PDE8B: variants seen among roughly 807,000 people sequenced by gnomAD.
The protein encoded by PDE8B is high affinity cAMP-specific and IBMX-insensitive 3',5'-cyclic phosphodiesterase 8B.
Under a neutral mutation model 101.3 loss-of-function variants are expected in PDE8B, and 26 were observed. The observed-to-expected ratio is 0.26, with a 90% CI of 0.19 to 0.36. The LOEUF (loss-of-function observed/expected upper bound fraction) is 0.36, where lower values mean the gene tolerates loss of function less well. Ranked by LOEUF, PDE8B falls within the 10% of genes least tolerant of loss-of-function variation. PDE8B has a pLI of 1.00. For missense variants in PDE8B, 810 were observed against 1,163.1 expected (o/e 0.70, Z 4.42); for synonymous variants, 424 against 429.3 (o/e 0.99, Z 0.15).
At chr5:77,426,121 G>A (rs964915933) in intron 21 of PDE8B, 34 of 611,720 alleles carry the variant, frequency 5.6e-5, no homozygotes, top group African/African-American at 9.2e-5. Flanking sequence ...CTGGATAAAC[G>A]AGTCTCTGCC....
At chr5:77,217,415 G>A (rs891806625) in intron 1 of PDE8B, among the ~76,000 whole-genome samples, 1 of 151,796 alleles carries the variant, frequency 6.6e-6, no homozygotes, top group Admixed American at 6.6e-5. Flanking sequence ...TTTCAATAAA[G>A]AATGTGTACA....
At chr5:77,353,662 G>A (rs554702917) in intron 10 of PDE8B, among the ~76,000 whole-genome samples, 1 of 151,840 alleles carries the variant, frequency 6.6e-6, no homozygotes, top group South Asian at 2.1e-4. Context: ...AATATATGAA[G>A]GCATAAAATT....
intron 1 of PDE8B, among the ~76,000 whole-genome samples, chr5:77,269,223 G>A (rs901647900): frequency 2.6e-5 from 4 of 152,118 alleles, no homozygotes; most frequent in African/African-American, 4.8e-5. Context: ...TTTCTCTGGT[G>A]ATCAATGATG....
At chr5:77,127,339 A>T in the PDE8B span, among the ~76,000 whole-genome samples, 1 of 152,058 alleles carries the variant, frequency 6.6e-6, no homozygotes, top group Non-Finnish European at 1.5e-5. Context: ...TGATGATTTT[A>T]TAAGCATCCA....
rs574376435 is a variant in PDE8B, at chr5:77,324,579, A to G, written c.400-960A>G. Among the ~76,000 whole-genome samples, 25 of 152,308 alleles carry G rather than the reference A, an allele frequency of 1.6e-4. No individual in the cohort carries two copies. In the South Asian group the frequency reaches 1.7e-3, roughly 10 times the overall value. ...TTTCTGTGGGTGGAATTGCTTCTCA[A>G]TGAGGCAGTTCATCAATAGAAGCAC... On this transcript the variant is annotated intron_variant, in intron 2 of 21. Transcript: ENST00000264917.
chr5:77,172,737 C>T, the PDE8B span, among the ~76,000 whole-genome samples: 2 of 152,144 alleles, frequency 1.3e-5, no homozygotes, highest in African/African-American at 4.8e-5. Context: ...TAGGAAATAC[C>T]AGTACCAGTG....
chr5:77,204,864 G>A, the PDE8B span, among the ~76,000 whole-genome samples: 5 of 152,204 alleles, frequency 3.3e-5, no homozygotes, highest in Non-Finnish European at 5.9e-5. Flanking sequence ...TCATGTGTAA[G>A]TCCTGTCTGC....
At chr5:77,270,684 C>T (rs574095017) in intron 1 of PDE8B, among the ~76,000 whole-genome samples, 308 of 152,332 alleles carry the variant, frequency 2.0e-3, no homozygotes, top group Non-Finnish European at 3.5e-3. Flanking sequence ...TTTTTCCGGG[C>T]TCTTGTTATT....
chr5:77,391,391 A>G (rs1056105647), intron 10 of PDE8B, among the ~76,000 whole-genome samples: 8 of 152,200 alleles, frequency 5.3e-5, no homozygotes, highest in Non-Finnish European at 1.0e-4. Flanking sequence ...GCAGCCAGGA[A>G]GAGTCTCTGC....
intron 10 of PDE8B, among the ~76,000 whole-genome samples, chr5:77,385,815 T>TTTG (rs61293389): frequency 6.7e-6 from 1 of 149,574 alleles, no homozygotes; most frequent in African/African-American, 2.5e-5. Context: ...TTTTTTTTTT[T>TTTG]GAGATGGAAT....
chr5:77,295,025 A>G (rs116228395), intron 1 of PDE8B, among the ~76,000 whole-genome samples: 2,717 of 152,112 alleles, frequency 0.018, 87 homozygotes, highest in African/African-American at 0.062. Flanking sequence ...TGCATATTCT[A>G]GTAACATAAT....
At chr5:77,378,039 CACACACA>C (rs1561612605) in intron 10 of PDE8B, among the ~76,000 whole-genome samples, 6 of 137,742 alleles carry the variant, frequency 4.4e-5, no homozygotes, top group Non-Finnish European at 9.8e-5. Context: ...CACACACACA[CACACACA>C]CACCCCCTGT....
the PDE8B span, among the ~76,000 whole-genome samples, chr5:77,191,798 A>G: frequency 7.2e-5 from 11 of 152,192 alleles, no homozygotes; most frequent in Admixed American, 1.3e-4. Context: ...CTTTATTTCT[A>G]TTATAATTAC....
chr5:77,210,979 G>A lies in PDE8B; in HGVS notation c.54G>A (p.Arg18=), dbSNP rs1263519584. The change falls in exon 1 of 22, where the codon CGG becomes CGA. Residue 18 remains arginine (R), a synonymous_variant. Coordinates refer to ENST00000264917, the MANE Select transcript of PDE8B (RefSeq NM_003719.5). This position sits in a 1 kb window ranked among gnomAD's most constrained non-coding sequence, Gnocchi z 4.9. The part of the protein sequence containing the change: ...HVSQSGVIYC[R]DSDESSSPRQ... The stretch of plus-strand genomic sequence containing the variant: ...CGCAGAGCGGCGTGATCTACTGCCG[G>A]GACTCGGACGAGTCCAGCTCGCCCC... 6.5e-7 allele frequency: 1 copy of A among 1,539,804 alleles called. No homozygotes were observed. Among genetic ancestry groups the A allele is most frequent in the South Asian group, 1.2e-5 (1 of 84,880 alleles).
At chr5:77,336,976 G>A (rs1368546739) in intron 5 of PDE8B, among the ~76,000 whole-genome samples, 1 of 152,190 alleles carries the variant, frequency 6.6e-6, no homozygotes, top group Non-Finnish European at 1.5e-5. Flanking sequence ...GTGCTCTAGA[G>A]CATTCATAAT....
At position 77,408,994 on chromosome 5, in the gene PDE8B, C is replaced by T; in HGVS notation, c.1467C>T (p.Ser489=). The part of the protein sequence containing the change: ...LEILRTTELY[S]PQLGTKDEDP... Reference sequence around the variant, plus strand: ...TTTTACGGACCACAGAACTGTACTCCCCTCAGCTGGGTACCAAAGATGAAG... The same window carrying T: ...TTTTACGGACCACAGAACTGTACTCTCCTCAGCTGGGTACCAAAGATGAAG... The change falls in exon 14 of 22, where the codon TCC becomes TCT. Residue 489 remains serine (S), a synonymous_variant. Transcript: ENST00000264917. The T allele has an allele frequency of 2.5e-6, 4 of 1,613,340 alleles. No homozygotes were observed. Among genetic ancestry groups the T allele is most frequent in the Non-Finnish European group, 3.4e-6 (4 of 1,179,250 alleles).
intron 1 of PDE8B, among the ~76,000 whole-genome samples, chr5:77,305,110 T>C (rs1318657824): frequency 2.0e-5 from 3 of 152,180 alleles, no homozygotes; most frequent in Non-Finnish European, 2.9e-5. Flanking sequence ...AAGAATAGAC[T>C]AGTGGTTCTC....
rs970133025 is a variant in PDE8B at position 77,319,921 on chromosome 5, A to T, written c.400-5618A>T. 5.3e-5 allele frequency among the ~76,000 whole-genome samples: 8 copies of T among 152,154 alleles called. No individual in the cohort carries two copies. The South Asian group carries it at 6.2e-4, about 12-fold the overall frequency. On this transcript the variant is annotated intron_variant, in intron 2 of 21. Coordinates refer to ENST00000264917, the MANE Select transcript of PDE8B (RefSeq NM_003719.5). Reference sequence around the variant, plus strand: ...GCACTGTCCAAACTACTCTTGATAAATTTTTTTAAATACATAAAACATCTT... The same window carrying T: ...GCACTGTCCAAACTACTCTTGATAATTTTTTTTAAATACATAAAACATCTT...
chr5:77,407,499 T>TGTGTGAGGGCC, intron 13 of PDE8B, 42 bp downstream of exon 13: 1 of 1,398,730 alleles, frequency 7.1e-7, no homozygotes, highest in Non-Finnish European at 1.0e-6. Flanking sequence ...TCAGGGGCCC[T>TGTGTGAGGGCC]CACACAGGGC....
Sources: gnomAD v4.1 joint callset for allele counts (sites outside exome capture counted in the v4.1 genomes callset) on GRCh38, gnomAD v4.1.1 for gene constraint, Gnocchi (gnomAD v3.1) non-coding constraint, MANE v1.5 for transcripts, NCBI Gene and HGNC (gene_info 2026-07-23, HGNC 2026-07-21) for gene names.